Variants in PATE4 observed in about 807,000 individuals in gnomAD.
The protein encoded by PATE4 is prostate and testis expressed protein 4.
A neutral mutation model predicts 8.5 loss-of-function variants in PATE4; 13 were observed. The ratio of observed to expected loss-of-function variants is 1.53; its 90% CI spans 1.00 to 2.43. The LOEUF is 2.43. Among genes scored for constraint, PATE4 ranks in the 30% most tolerant of loss-of-function variants. The pLI is 0.00. For missense variants in PATE4, 127 were observed against 115.5 expected, an observed-to-expected ratio of 1.10 and a Z score of -0.46; for synonymous variants, 47 against 39.3, an observed-to-expected ratio of 1.20 and a Z score of -0.73.
chr11:125,834,829 C>A (rs971490190), intron 1 of PATE4, among the ~76,000 whole-genome samples: 5 of 152,088 alleles, frequency 3.3e-5, no homozygotes, highest in Admixed American at 3.3e-4. Context: ...GAATACTATA[C>A]ACTTAGTATA....
chr11:125,839,371 A>T lies in PATE4; in HGVS notation c.*944A>T, dbSNP rs1443060945. 1 of 152,154 alleles carries T rather than the reference A, an allele frequency of 6.6e-6. No individual in the cohort carries two copies. Among genetic ancestry groups the T allele is most frequent in the Non-Finnish European group, 1.5e-5 (1 of 68,040 alleles). The allele number at this position is 152,154 out of a possible 1,614,324, so 9.4% of individuals were successfully genotyped here. On this transcript the variant is annotated 3_prime_UTR_variant, in exon 3 of 3. Transcript: ENST00000457514. ...TGTGGAGATCAATTTGTGGATTTTAAACTTCATGACATGCTGCAGATAATC... is the reference window on the plus strand; with the variant it reads ...TGTGGAGATCAATTTGTGGATTTTATACTTCATGACATGCTGCAGATAATC...
In PATE4 at chr11:125,839,063, G is replaced by T. The variant is rs1419514467; in HGVS notation, c.*636G>T. The T allele has an allele frequency of 6.6e-6, 1 of 152,222 alleles. No individual in the cohort carries two copies. The highest frequency in any genetic ancestry group is 2.4e-5 in the African/African-American group (1 of 41,440). The allele number at this position is 152,222 out of a possible 1,614,324, so 9.4% of individuals were successfully genotyped here. On this transcript the variant is annotated 3_prime_UTR_variant, in exon 3 of 3. Transcript: ENST00000457514. Reference sequence around the variant, plus strand: ...CAGAAACCAGCCCTGCTGACACCTTGATTTAAGCCCTGTAAGACTCATTTT... The same window carrying T: ...CAGAAACCAGCCCTGCTGACACCTTTATTTAAGCCCTGTAAGACTCATTTT...
At chr11:125,835,184 CA>C (rs748686277) in intron 1 of PATE4, 35 of 152,182 alleles carry the variant, frequency 2.3e-4, no homozygotes, top group Non-Finnish European at 2.8e-4. Context: ...AGAGCATTAT[CA>C]GTGTACTGCG....
chr11:125,837,309 A>T (rs74639992), intron 1 of PATE4, among the ~76,000 whole-genome samples: 16,724 of 152,204 alleles, frequency 0.11, 1,188 homozygotes, highest in Admixed American at 0.23. Flanking sequence ...CCCTGAAAAA[A>T]GAGAAAGGCC....
chr11:125,838,222 G>A, intron 2 of PATE4, 84 bp from the exon 3 acceptor site: 2 of 1,395,486 alleles, frequency 1.4e-6, no homozygotes, highest in Non-Finnish European at 1.9e-6. Context: ...AGTGTTAAGT[G>A]CTATTCCTCT....
intron 1 of PATE4, 44 bp downstream of exon 1, chr11:125,833,461 C>T: frequency 1.3e-6 from 2 of 1,505,972 alleles, no homozygotes; most frequent in Non-Finnish European, 9.0e-7. Flanking sequence ...CTTAGGGGTG[C>T]TGTTCTCTAA....
intron 1 of PATE4, chr11:125,835,575 G>A (rs965019820): frequency 3.9e-5 from 6 of 152,124 alleles, no homozygotes; most frequent in Non-Finnish European, 7.4e-5. Flanking sequence ...CACCACTCAC[G>A]ATACAGCAGT....
At chr11:125,836,590 T>A (rs896806373) in intron 1 of PATE4, among the ~76,000 whole-genome samples, 1 of 152,174 alleles carries the variant, frequency 6.6e-6, no homozygotes, top group Non-Finnish European at 1.5e-5. Context: ...TTATTTATCA[T>A]CAGGCCCCAC....
intron 1 of PATE4, among the ~76,000 whole-genome samples, chr11:125,836,389 G>C (rs552778832): frequency 1.3e-5 from 2 of 152,080 alleles, no homozygotes; most frequent in African/African-American, 4.8e-5. Flanking sequence ...TTTGGCCTAG[G>C]AGGGCTCAGG....
intron 1 of PATE4, chr11:125,835,409 A>G (rs1943913024): frequency 3.3e-5 from 5 of 152,236 alleles, no homozygotes; most frequent in Admixed American, 3.3e-4. Context: ...ATTCCCCTGG[A>G]TCTGATCTGG....
intron 1 of PATE4, among the ~76,000 whole-genome samples, chr11:125,834,336 C>G (rs1174949862): frequency 2.0e-5 from 3 of 151,708 alleles, no homozygotes; most frequent in Non-Finnish European, 4.4e-5. Context: ...TTAAAAAAAT[C>G]AAAAAGGAAA....
rs375101496 is a variant in PATE4, at chr11:125,837,924, G to A, written c.115G>A (p.Gly39Ser). 2 of 1,551,618 alleles carry A rather than the reference G, an allele frequency of 1.3e-6. No individual in the cohort carries two copies. Among genetic ancestry groups the A allele is most frequent in the Non-Finnish European group, 8.7e-7 (1 of 1,146,942 alleles). ...CACAGAAGGATGGAAGTGTATGGCA[G>A]GCCGAGGCACTTGCATTGCAAAAGA... is the stretch of plus-strand genomic sequence containing the variant. ...IYTEGWKCMA[G>S]RGTCIAKENE... Residue 39 changes from glycine (G) to serine (S), a missense_variant, in exon 2 of 3, where the codon GGC becomes AGC. Coordinates refer to ENST00000457514, the MANE Select transcript of PATE4 (RefSeq NM_001144874.1).
chr11:125,835,260 T>A (rs1422117272), intron 1 of PATE4: 2 of 152,224 alleles, frequency 1.3e-5, no homozygotes, highest in African/African-American at 4.8e-5. Flanking sequence ...GAGAAATTGA[T>A]AGTGTCCTCT....
At position 125,833,391 on chromosome 11, in the gene PATE4, G is replaced by A. The variant is rs1943900091; in HGVS notation, c.32G>A (p.Ser11Asn). 2.6e-6 allele frequency: 4 copies of A among 1,551,560 alleles called. No homozygotes were observed. The African/African-American group carries it at 4.1e-5, about 16-fold the overall frequency. Residue 11 changes from serine (S) to asparagine (N), a missense_variant, in exon 1 of 3, where the codon AGC becomes AAC. Transcript: ENST00000457514. Reference sequence around the variant, plus strand: ...AAAATGAACACACTGCTCCTTGTGAGCTTATCTTTTCTCTACCTCAAAGAG... The same window carrying A: ...AAAATGAACACACTGCTCCTTGTGAACTTATCTTTTCTCTACCTCAAAGAG... MRKMNTLLLV[S>N]LSFLYLKEVM... is the part of the protein sequence containing the mutation.
At position 125,833,376 on chromosome 11, in the gene PATE4, C is replaced by G; in HGVS notation, c.17C>G (p.Thr6Arg). ...AAGCATCCAATGAGGAAAATGAACA[C>G]ACTGCTCCTTGTGAGCTTATCTTTT... MRKMN[T>R]LLLVSLSFLY... Residue 6 changes from threonine to arginine, a missense_variant, in exon 1 of 3, where the codon ACA becomes AGA. Transcript: ENST00000457514. The G allele has an allele frequency of 2.6e-6, 4 of 1,551,540 alleles. No individual in the cohort carries two copies. The highest frequency in any genetic ancestry group is 3.5e-6 in the Non-Finnish European group (4 of 1,146,880).
rs114259885 is a variant in PATE4, at chr11:125,833,402, C to T, written c.43C>T (p.Leu15Phe). The change falls in exon 1 of 3, where the codon CTC (leucine) becomes TTC (phenylalanine). Residue 15 changes from leucine (L) to phenylalanine (F), a missense_variant. Coordinates refer to ENST00000457514, the MANE Select transcript of PATE4 (RefSeq NM_001144874.1). ...NTLLLVSLSFLYLKEVMGLKC... is the reference protein window; with the variant it reads ...NTLLLVSLSFFYLKEVMGLKC... The stretch of plus-strand genomic sequence containing the variant: ...ACTGCTCCTTGTGAGCTTATCTTTT[C>T]TCTACCTCAAAGAGGGTAAGTTTGA... The T allele has an allele frequency of 1.3e-3, 2,036 of 1,551,528 alleles. 16 individuals are homozygous for T. The African/African-American group carries it at 0.022, about 17-fold the overall frequency.
Position 125,838,714 on chromosome 11 carries a change from C to A in PATE4, c.*287C>A, listed in dbSNP as rs934406071. On this transcript the variant is annotated 3_prime_UTR_variant, in exon 3 of 3. Coordinates refer to ENST00000457514, the MANE Select transcript of PATE4 (RefSeq NM_001144874.1). ...TCCCTTGTAGGCTAAATAATGGACC[C>A]CCAAATATTTCTACATCCTAATCTC... 2 of 303,846 alleles carry A rather than the reference C, an allele frequency of 6.6e-6. No homozygotes were observed. Among genetic ancestry groups the A allele is most frequent in the Admixed American group, 5.0e-5 (1 of 20,182 alleles). The allele number at this position is 303,846 out of a possible 1,614,324, so 18.8% of individuals were successfully genotyped here. A position where few individuals can be genotyped will look rare whatever the true frequency, so the allele number is the denominator to read the frequency against.
At chr11:125,836,355 T>C (rs781636416) in intron 1 of PATE4, among the ~76,000 whole-genome samples, 1 of 152,190 alleles carries the variant, frequency 6.6e-6, no homozygotes, top group Non-Finnish European at 1.5e-5. Flanking sequence ...CCATTGCTCA[T>C]GGATCAAAAA....
rs1322840382 is a variant in PATE4, at chr11:125,838,602, A to G, written c.*175A>G. ...CTCCCCACACCCCACCTCCACCACT[A>G]GATTCCTAAAATCATGAGCATTGAA... On this transcript the variant is annotated 3_prime_UTR_variant, in exon 3 of 3. Coordinates refer to ENST00000457514, the MANE Select transcript of PATE4 (RefSeq NM_001144874.1). 1 of 596,292 alleles carries G rather than the reference A, an allele frequency of 1.7e-6. No homozygotes were observed. Among genetic ancestry groups the G allele is most frequent in the Non-Finnish European group, 2.7e-6 (1 of 374,932 alleles). 36.9% of individuals were successfully genotyped at this position (596,292 alleles called of 1,614,324 possible).
Sources: allele counts gnomAD v4.1 joint callset (sites outside exome capture counted in the v4.1 genomes callset), GRCh38; gene constraint gnomAD v4.1.1; transcripts MANE v1.5; gene names NCBI Gene and HGNC (gene_info 2026-07-23, HGNC 2026-07-21).